The following FCRL3 variants were observed in gnomAD, a reference collection of about 807,000 sequenced individuals.
FCRL3 encodes the protein Fc receptor-like protein 3.
FCRL3 carries 89 observed loss-of-function variants against 75.0 expected under a neutral mutation model. The observed-to-expected ratio is 1.19, with a 90% CI of 1.00 to 1.42. The LOEUF (loss-of-function observed/expected upper bound fraction) is 1.42. Among genes scored for constraint, FCRL3 ranks in the 40% most tolerant of loss-of-function variants. FCRL3 has a pLI of 0.00. For missense variants in FCRL3, 946 were observed against 880.0 expected, an observed-to-expected ratio of 1.07 and a Z score of -0.95; for synonymous variants, 376 against 348.5, an observed-to-expected ratio of 1.08 and a Z score of -0.88.
At chr1:157,699,607 G>T in intron 3 of FCRL3, 85 bp downstream of exon 3, 2 of 1,416,734 alleles carry the variant, frequency 1.4e-6, no homozygotes, top group Non-Finnish European at 2.0e-6. Flanking sequence ...GATGGGATGC[G>T]TGCCTGCAAG....
At chr1:157,689,983 A>G (rs769598725) in intron 9 of FCRL3, 66 bp from the exon 10 acceptor site, 3 of 1,599,998 alleles carry the variant, frequency 1.9e-6, no homozygotes, top group Non-Finnish European at 2.6e-6. Flanking sequence ...AAATCATGCA[A>G]GTAGGGTGAG....
At position 157,676,671 on chromosome 1, in the gene FCRL3, C is replaced by T. The variant is rs927612873; in HGVS notation, c.*2039G>A. 4.3e-5 allele frequency: 66 copies of T among 1,518,820 alleles called. No homozygotes were observed. The highest frequency in any genetic ancestry group is 5.9e-5 in the Admixed American group (3 of 50,910). 94.1% of individuals were successfully genotyped at this position (1,518,820 alleles called of 1,614,324 possible). A position where few individuals can be genotyped will look rare whatever the true frequency, so the allele number is the denominator to read the frequency against. On this transcript the variant is annotated 3_prime_UTR_variant, in exon 15 of 15. Transcript: ENST00000368184. ...TTATATCCGAGATGTACAGTTAGGA[C>T]TCACCCCTTCTTCCACTCACATACT...
In FCRL3 at chr1:157,690,368, C is replaced by T; in HGVS notation, c.1577G>A (p.Gly526Glu). 1.9e-6 allele frequency: 3 copies of T among 1,614,202 alleles called. No individual in the cohort carries two copies. Among genetic ancestry groups the T allele is most frequent in the African/African-American group, 1.3e-5 (1 of 75,050 alleles). Residue 526 changes from glycine (G) to glutamate (E), a missense_variant, in exon 9 of 15, where the codon GGA becomes GAA. Transcript: ENST00000368184. ...TLGNISAHSG[G>E]GASFNLSLTT... is the part of the protein sequence containing the mutation. ...CAGAGAGAGGTTGAAGGATGCCCCT[C>T]CTCCAGAGTGGGCCGAGATGTTCCC...
chr1:157,678,849 G>C lies in FCRL3; in HGVS notation c.2066C>G (p.Thr689Arg). 2 of 1,613,994 alleles carry C rather than the reference G, an allele frequency of 1.2e-6. No homozygotes were observed. The highest frequency in any genetic ancestry group is 1.7e-6 in the Non-Finnish European group (2 of 1,179,976). ...CTTCTTCAGTTCTGAATAGAGGACT[G>C]TAAGTTCCTGGTAGAAAAAAACACA... is the stretch of plus-strand genomic sequence containing the variant. ...PMMHQEHEEL[T>R]VLYSELKKTH... Residue 689 changes from threonine (T) to arginine (R), a missense_variant, in exon 15 of 15, where the codon ACA becomes AGA. Physicochemically the swap from Thr to Arg is moderately conservative, Grantham distance 71. Coordinates refer to ENST00000368184, the MANE Select transcript of FCRL3 (RefSeq NM_052939.4).
chr1:157,691,659 T>C (rs1380770449), intron 8 of FCRL3: 1 of 152,200 alleles, frequency 6.6e-6, no homozygotes, highest in Non-Finnish European at 1.5e-5. Flanking sequence ...TGAAGTGACC[T>C]GGGCGGGATG....
chr1:157,677,322 C>A lies in FCRL3; in HGVS notation c.*1388G>T. 1.0e-6 allele frequency: 1 copy of A among 987,550 alleles called. No individual in the cohort carries two copies. The highest frequency in any genetic ancestry group is 1.2e-6 in the Non-Finnish European group (1 of 831,190). 61.2% of individuals were successfully genotyped at this position (987,550 alleles called of 1,614,324 possible). ...GGTGATTGTTTGAATGCATGTAAGA[C>A]ATTCCCTAGGGACTCCAAGAAATAT... is the stretch of plus-strand genomic sequence containing the variant. On this transcript the variant is annotated 3_prime_UTR_variant, in exon 15 of 15. Transcript: ENST00000368184.
intron 7 of FCRL3, 178 bp downstream of exon 7, chr1:157,695,862 C>T: frequency 1.4e-6 from 1 of 719,628 alleles, no homozygotes; most frequent in Non-Finnish European, 2.2e-6. Flanking sequence ...GCCATCTTTC[C>T]ATTTCTTGGA....
At chr1:157,681,860 C>T (rs1002797329) in intron 11 of FCRL3, among the ~76,000 whole-genome samples, 2 of 152,116 alleles carry the variant, frequency 1.3e-5, no homozygotes, top group Admixed American at 6.5e-5. Context: ...GTCCCACCAA[C>T]AGTGTAAAAG....
At chr1:157,691,260 G>A (rs926164767) in intron 8 of FCRL3, among the ~76,000 whole-genome samples, 4 of 152,164 alleles carry the variant, frequency 2.6e-5, no homozygotes, top group African/African-American at 7.2e-5. Flanking sequence ...TAAAGAAATG[G>A]CATAGTGGGA....
In FCRL3 at chr1:157,697,147, A is replaced by G; in HGVS notation, c.837T>C (p.Arg279=). Residue 279 remains arginine, a synonymous_variant, in exon 6 of 15, where the codon CGT becomes CGC. Transcript: ENST00000368184. ...IKKRSLRSQI[R]VQRVPVSNVN... ...AGCCCCTTAGACACTCACTCTGTAC[A>G]CGTATCTGAGATCTCAGGCTCCTTT... The G allele has an allele frequency of 6.7e-7, 1 of 1,503,628 alleles. No homozygotes were observed. The highest frequency in any genetic ancestry group is 8.9e-7 in the Non-Finnish European group (1 of 1,125,342). 93.1% of individuals were successfully genotyped at this position (1,503,628 alleles called of 1,614,324 possible). A position where few individuals can be genotyped will look rare whatever the true frequency, so the allele number is the denominator to read the frequency against.
At chr1:157,687,003 C>A (rs533709777) in intron 10 of FCRL3, among the ~76,000 whole-genome samples, 2 of 152,060 alleles carry the variant, frequency 1.3e-5, no homozygotes, top group South Asian at 4.2e-4. Context: ...AAACAGGCAA[C>A]CTATAGAATG....
chr1:157,695,271 C>A, intron 8 of FCRL3, 58 bp downstream of exon 8: 1 of 1,540,390 alleles, frequency 6.5e-7, no homozygotes. Context: ...GGAGCTATTT[C>A]TGAGAAGACA....
Position 157,681,038 on chromosome 1 carries a change from C to T in FCRL3, c.1900G>A (p.Glu634Lys), listed in dbSNP as rs150133512. Residue 634 changes from glutamate to lysine, a missense_variant, in exon 12 of 15, where the codon GAG becomes AAG. Physicochemically the swap from Glu to Lys is moderately conservative, Grantham distance 56. Transcript: ENST00000368184. ...GCTAGTGGTTTAGAGTGAGTGGGCT[C>T]TTGAGGGTCTATCCTGGAAGGCCTG... ...SSRPSRIDPQ[E>K]PTHSKPLAPM... 478 of 1,606,594 alleles carry T rather than the reference C, an allele frequency of 3.0e-4. No homozygotes were observed. The African/African-American group carries it at 5.8e-3, about 20-fold the overall frequency.
In FCRL3 at chr1:157,678,817, G is replaced by C; in HGVS notation, c.2098C>G (p.Pro700Ala). 6.2e-7 allele frequency: 1 copy of C among 1,613,970 alleles called. No homozygotes were observed. The highest frequency in any genetic ancestry group is 8.5e-7 in the Non-Finnish European group (1 of 1,179,986). The change falls in exon 15 of 15, where the codon CCA (proline) becomes GCA (alanine). Residue 700 changes from proline to alanine, a missense_variant. By Grantham distance (27) the Pro-to-Ala change is conservative. Coordinates refer to ENST00000368184, the MANE Select transcript of FCRL3 (RefSeq NM_052939.4). Reference protein sequence around the residue: ...VLYSELKKTHPDDSAGEASSR... With the variant: ...VLYSELKKTHADDSAGEASSR... Reference sequence around the variant, plus strand: ...CTAGCCTCCCCTGCAGAGTCGTCTGGGTGTGTCTTCTTCAGTTCTGAATAG... The same window carrying C: ...CTAGCCTCCCCTGCAGAGTCGTCTGCGTGTGTCTTCTTCAGTTCTGAATAG...
rs1429311098 is a variant in FCRL3, at chr1:157,677,693, A to G, written c.*1017T>C. The G allele has an allele frequency of 1.3e-6, 1 of 776,752 alleles. No individual in the cohort carries two copies. The highest frequency in any genetic ancestry group is 1.6e-6 in the Non-Finnish European group (1 of 640,046). The allele number at this position is 776,752 out of a possible 1,614,324, so 48.1% of individuals were successfully genotyped here. On this transcript the variant is annotated 3_prime_UTR_variant, in exon 15 of 15. Transcript: ENST00000368184. The stretch of plus-strand genomic sequence containing the variant: ...ACTATAGCAACACGCAACAATATGG[A>G]TGAATCTTAGAAATACAACATGAAG...
At chr1:157,679,830 CAAAAAAAAA>C (rs1166825112) in intron 13 of FCRL3, among the ~76,000 whole-genome samples, 12 of 49,904 alleles carry the variant, frequency 2.4e-4, no homozygotes, top group East Asian at 6.8e-4. Flanking sequence ...CCCCATCTCA[CAAAAAAAAA>C]AAAAAAAAAA....
At chr1:157,695,739 T>A in intron 7 of FCRL3, 132 bp from the exon 8 acceptor site, 4 of 1,129,900 alleles carry the variant, frequency 3.5e-6, no homozygotes, top group Non-Finnish European at 4.9e-6. Context: ...CACATTTTTC[T>A]TATCTAACAA....
intron 13 of FCRL3, among the ~76,000 whole-genome samples, chr1:157,679,536 G>A (rs979844958): frequency 6.6e-6 from 1 of 152,148 alleles, no homozygotes; most frequent in Admixed American, 6.5e-5. Flanking sequence ...ACCTTTCCAA[G>A]GGGCTGTTTG....
chr1:157,696,776 T>C (rs2101622508), intron 6 of FCRL3: 2 of 218,700 alleles, frequency 9.1e-6, no homozygotes, highest in South Asian at 1.2e-4. Context: ...CATCTTCCCC[T>C]TTTCGGACTA....
Sources: gnomAD v4.1 joint callset for allele counts (sites outside exome capture counted in the v4.1 genomes callset) on GRCh38, gnomAD v4.1.1 for gene constraint, MANE v1.5 for transcripts, NCBI Gene and HGNC (gene_info 2026-07-23, HGNC 2026-07-21) for gene names.